TTC39B: variants seen among roughly 807,000 people sequenced by gnomAD.
The protein encoded by TTC39B is tetratricopeptide repeat protein 39B.
Under a neutral mutation model 96.6 loss-of-function variants are expected in TTC39B, and 92 were observed. The ratio of observed to expected loss-of-function variants is 0.95; its 90% CI spans 0.80 to 1.13. The LOEUF is 1.13. Among genes scored for constraint, TTC39B ranks in the 50% most tolerant of loss-of-function variants. The pLI, the probability that TTC39B is intolerant of heterozygous loss-of-function variation, is 0.00. For synonymous variants in TTC39B, 367 were observed against 299.4 expected, an observed-to-expected ratio of 1.23 and a Z score of -2.33; for missense variants, 955 against 809.3, an observed-to-expected ratio of 1.18 and a Z score of -2.18.
chr9:15,180,656 C>G (rs1228454364), intron 17 of TTC39B, among the ~76,000 whole-genome samples: 1 of 152,042 alleles, frequency 6.6e-6, no homozygotes, highest in Non-Finnish European at 1.5e-5. Context: ...AACTTCTCCC[C>G]ATTTTCCAAC....
chr9:15,242,795 G>C (rs1455826400), intron 2 of TTC39B, among the ~76,000 whole-genome samples: 1 of 152,180 alleles, frequency 6.6e-6, no homozygotes, highest in Non-Finnish European at 1.5e-5. Context: ...TGAATTAAGG[G>C]CATTCAGAAG....
rs531049754 is a variant in TTC39B at position 15,195,601 on chromosome 9, C to T, written c.825-2906G>A. Among the ~76,000 whole-genome samples the T allele has an allele frequency of 9.6e-5, 14 of 145,686 alleles. No homozygotes were observed. The East Asian group carries it at 1.8e-3, about 19-fold the overall frequency. On this transcript the variant is annotated intron_variant, in intron 8 of 19. Transcript: ENST00000512701. ...AGGAGAATCACTTGAACCTGGGAGACGCAGGTTGCAGTGAGCTGAGATCGT... is the reference window on the plus strand; with the variant it reads ...AGGAGAATCACTTGAACCTGGGAGATGCAGGTTGCAGTGAGCTGAGATCGT...
At position 15,188,141 on chromosome 9, in the gene TTC39B, C is replaced by A; in HGVS notation, c.1234-9G>T. 1 of 1,585,202 alleles carries A rather than the reference C, an allele frequency of 6.3e-7. No individual in the cohort carries two copies. The highest frequency in any genetic ancestry group is 1.2e-5 in the South Asian group (1 of 84,834). On this transcript the variant is annotated splice_polypyrimidine_tract_variant and intron_variant, in intron 13 of 19. Coordinates refer to ENST00000512701, the Ensembl canonical transcript of TTC39B. Reference sequence around the variant, plus strand: ...TGAAATACTTCTTGTGCCTGTAAATCAAGTACACAAAGTTGATCGTCCAGA... The same window carrying A: ...TGAAATACTTCTTGTGCCTGTAAATAAAGTACACAAAGTTGATCGTCCAGA...
At chr9:15,217,336 C>A (rs907864942) in intron 3 of TTC39B, among the ~76,000 whole-genome samples, 1 of 152,272 alleles carries the variant, frequency 6.6e-6, no homozygotes, top group South Asian at 2.1e-4. Flanking sequence ...AGATACTAGT[C>A]CTCTTGCCAA....
At chr9:15,199,899 T>C in exon 8 of TTC39B, 1 of 1,542,136 alleles carries the variant, frequency 6.5e-7, no homozygotes, top group Non-Finnish European at 8.9e-7. Flanking sequence ...TGAGTCCACC[T>C]TTGATGAAGT....
rs1334513999 is a variant in TTC39B, at chr9:15,179,540, T to A, written c.1724-1726A>T. On this transcript the variant is annotated intron_variant, in intron 17 of 19. Transcript: ENST00000512701. ...GGTATCAATAACACATTACCTTTTC[T>A]ATTATTTATTTAGAATCATTTTTCT... 1.3e-5 allele frequency among the ~76,000 whole-genome samples: 2 copies of A among 152,228 alleles called. 1 individual carries two copies. The highest frequency in any genetic ancestry group is 1.3e-4 in the Admixed American group (2 of 15,288).
At chr9:15,253,591 G>A (rs1160419557) in intron 2 of TTC39B, among the ~76,000 whole-genome samples, 1 of 152,234 alleles carries the variant, frequency 6.6e-6, no homozygotes, top group South Asian at 2.1e-4. Flanking sequence ...AGCAGCCATA[G>A]GAAATTAATG....
chr9:15,193,823 G>A (rs1818997001), intron 8 of TTC39B, among the ~76,000 whole-genome samples: 1 of 152,154 alleles, frequency 6.6e-6, no homozygotes, highest in African/African-American at 2.4e-5. Flanking sequence ...CATTAGAAAA[G>A]TCCATATTGA....
intron 1 of TTC39B, among the ~76,000 whole-genome samples, chr9:15,304,192 AC>A (rs1824685275): frequency 6.6e-6 from 1 of 152,230 alleles, no homozygotes; most frequent in Non-Finnish European, 1.5e-5. Context: ...AGATCAGGCA[AC>A]TAGAGAGAAA....
At chr9:15,208,593 A>G (rs527466593) in intron 6 of TTC39B, among the ~76,000 whole-genome samples, 3 of 152,210 alleles carry the variant, frequency 2.0e-5, no homozygotes, top group Non-Finnish European at 4.4e-5. Flanking sequence ...CAGCTCAAAG[A>G]TGGAAAATAT....
intron 1 of TTC39B, among the ~76,000 whole-genome samples, chr9:15,302,338 C>A (rs1428767657): frequency 1.5e-5 from 2 of 134,404 alleles, no homozygotes; most frequent in Non-Finnish European, 3.2e-5. Flanking sequence ...AAAAAAAGGC[C>A]GGGCGCGGTG....
intron 1 of TTC39B, among the ~76,000 whole-genome samples, chr9:15,285,546 T>C (rs1348534140): frequency 4.9e-4 from 74 of 152,160 alleles, no homozygotes; most frequent in Non-Finnish European, 2.9e-5. Context: ...TAATTAAGAA[T>C]TGTTTTAATT....
chr9:15,284,022 T>C (rs1262799745), intron 1 of TTC39B, among the ~76,000 whole-genome samples: 1 of 152,166 alleles, frequency 6.6e-6, no homozygotes, highest in Non-Finnish European at 1.5e-5. Context: ...CTGGCTAGGA[T>C]AAAATAATTA....
At chr9:15,290,393 C>T (rs1824140162) in intron 1 of TTC39B, among the ~76,000 whole-genome samples, 1 of 152,180 alleles carries the variant, frequency 6.6e-6, no homozygotes, top group African/African-American at 2.4e-5. Context: ...AGAAGGCCAC[C>T]TATCTCCCCA....
At chr9:15,246,217 C>T (rs1822268368) in intron 2 of TTC39B, among the ~76,000 whole-genome samples, 1 of 152,170 alleles carries the variant, frequency 6.6e-6, no homozygotes, top group Non-Finnish European at 1.5e-5. Context: ...CACGCCATTG[C>T]ACTCCAGCCT....
intron 2 of TTC39B, among the ~76,000 whole-genome samples, chr9:15,259,135 T>C (rs900792402): frequency 1.3e-5 from 2 of 152,216 alleles, no homozygotes; most frequent in Non-Finnish European, 2.9e-5. Context: ...TTCCATTTAC[T>C]ATATACCATT....
intron 2 of TTC39B, among the ~76,000 whole-genome samples, chr9:15,227,248 C>T (rs10124400): frequency 0.038 from 5,715 of 150,636 alleles, 381 homozygotes; most frequent in African/African-American, 0.13. Context: ...GCGGAGGTTG[C>T]GGTGAGCCAA....
At chr9:15,288,555 AT>A (rs1333732681) in intron 1 of TTC39B, among the ~76,000 whole-genome samples, 1 of 152,108 alleles carries the variant, frequency 6.6e-6, no homozygotes, top group Non-Finnish European at 1.5e-5. Flanking sequence ...CCAGCTCCCC[AT>A]TCATCCCACT....
In TTC39B at chr9:15,276,838, G is replaced by C. The variant is rs150223745; in HGVS notation, c.241-8890C>G. On this transcript the variant is annotated intron_variant, in intron 1 of 19. Coordinates refer to ENST00000512701, the Ensembl canonical transcript of TTC39B. ...TTGTAAGGATGTGAGATAACTCACA[G>C]AACAGGTCCGACTTAAAACAGGCTC... is the stretch of plus-strand genomic sequence containing the variant. 3.1e-3 allele frequency among the ~76,000 whole-genome samples: 469 copies of C among 152,264 alleles called. 2 individuals carry two copies. Among genetic ancestry groups the C allele is most frequent in the African/African-American group, 0.011 (442 of 41,544 alleles).
Sources: gnomAD v4.1 joint callset for allele counts (sites outside exome capture counted in the v4.1 genomes callset) on GRCh38, gnomAD v4.1.1 for gene constraint, MANE v1.5 for transcripts, NCBI Gene and HGNC (gene_info 2026-07-23, HGNC 2026-07-21) for gene names.